The following ZNF469 variants were observed in gnomAD, a reference collection of about 807,000 sequenced individuals.
The protein encoded by ZNF469 is zinc finger protein 469.
A neutral mutation model predicts 1.0 loss-of-function variants in ZNF469; 1 was observed. The observed-to-expected ratio is 1.00, with a 90% confidence interval of 0.35 to 4.73. The LOEUF (loss-of-function observed/expected upper bound fraction) is 4.73. Among genes scored for constraint, ZNF469 ranks in the 30% most tolerant of loss-of-function variants. ZNF469 has a pLI of 0.16. For synonymous variants in ZNF469, 2,703 were observed against 2,363.4 expected, an observed-to-expected ratio of 1.14 and a Z score of -4.17; for missense variants, 6,100 against 5,356.3, an observed-to-expected ratio of 1.14 and a Z score of -4.33.
At chr16:88,321,478 A>T in the ZNF469 span, among the ~76,000 whole-genome samples, 1 of 151,846 alleles carries the variant, frequency 6.6e-6, no homozygotes, top group African/African-American at 2.4e-5. Flanking sequence ...ACCTGATTGG[A>T]TATGGCTCTC....
chr16:88,351,022 GCGA>G, the ZNF469 span, among the ~76,000 whole-genome samples: 1 of 152,224 alleles, frequency 6.6e-6, no homozygotes, highest in Non-Finnish European at 1.5e-5. Flanking sequence ...CAGCAGCAAG[GCGA>G]CCTGCCGCGC....
At chr16:88,342,071 C>T in the ZNF469 span, among the ~76,000 whole-genome samples, 4 of 151,128 alleles carry the variant, frequency 2.6e-5, no homozygotes, top group African/African-American at 7.3e-5. Flanking sequence ...ATGTGCAGGG[C>T]GGGGCGGGGC....
At chr16:88,285,257 C>T in the ZNF469 span, among the ~76,000 whole-genome samples, 2 of 152,272 alleles carry the variant, frequency 1.3e-5, no homozygotes, top group African/African-American at 2.4e-5. Flanking sequence ...CGCAATGGAG[C>T]TATTCTGGGT....
At chr16:88,407,150 G>A (rs1311453940) in intron 1 of ZNF469, among the ~76,000 whole-genome samples, 2 of 105,438 alleles carry the variant, frequency 1.9e-5, no homozygotes, top group Admixed American at 8.3e-5. Context: ...GGCGCTCTGT[G>A]GCCAGCTGTC....
Position 88,429,433 on chromosome 16 carries a change from C to T in ZNF469, c.1963C>T (p.His655Tyr), listed in dbSNP as rs1160837657. 2.6e-6 allele frequency: 4 copies of T among 1,542,146 alleles called. No individual in the cohort carries two copies. The highest frequency in any genetic ancestry group is 1.2e-5 in the South Asian group (1 of 83,914). The change falls in exon 3 of 3, where the codon CAC (histidine) becomes TAC (tyrosine). Residue 655 changes from histidine to tyrosine, a missense_variant. His to Tyr is a moderately conservative substitution (Grantham distance 83, BLOSUM62 2). Transcript: ENST00000565624. Reference sequence around the variant, plus strand: ...CCCCTTCCCGTCCCCGGAGCCCCCCCACTCCCTCCCCACCCACTACCAGCC... The same window carrying T: ...CCCCTTCCCGTCCCCGGAGCCCCCCTACTCCCTCCCCACCCACTACCAGCC... The part of the protein sequence containing the change: ...GSPFPSPEPP[H>Y]SLPTHYQPEP...
rs1179994298 is a variant in ZNF469, at chr16:88,386,837, G to A, written c.-192+3583G>A. 2.0e-5 allele frequency among the ~76,000 whole-genome samples: 3 copies of A among 152,188 alleles called. No homozygotes were observed. The South Asian group carries it at 6.2e-4, about 32-fold the overall frequency. Reference sequence around the variant, plus strand: ...GGCAGTGGGTGGTTCCGTGAGGATGGGGCTCTGTGAAGTAGCCTTGAGGTG... The same window carrying A: ...GGCAGTGGGTGGTTCCGTGAGGATGAGGCTCTGTGAAGTAGCCTTGAGGTG... On this transcript the variant is annotated intron_variant, in intron 1 of 2. Transcript: ENST00000565624.
At chr16:88,236,756 A>T in the ZNF469 span, among the ~76,000 whole-genome samples, 1 of 151,680 alleles carries the variant, frequency 6.6e-6, no homozygotes, top group Non-Finnish European at 1.5e-5. Context: ...AAGCTCAGCT[A>T]CTCTGGAGGC....
At chr16:88,279,305 ATGCTGACACT>A in the ZNF469 span, among the ~76,000 whole-genome samples, 1 of 151,572 alleles carries the variant, frequency 6.6e-6, no homozygotes, top group African/African-American at 2.4e-5. Context: ...GTGCTGTGCC[ATGCTGACACT>A]CGGTCAGTAC....
chr16:88,211,676 A>G, the ZNF469 span, among the ~76,000 whole-genome samples: 1 of 152,256 alleles, frequency 6.6e-6, no homozygotes, highest in South Asian at 2.1e-4. Context: ...CAGAGTTTAT[A>G]TGCAGAACTG....
chr16:88,412,071 T>G (rs1905186665), intron 1 of ZNF469, among the ~76,000 whole-genome samples: 2 of 152,188 alleles, frequency 1.3e-5, no homozygotes, highest in African/African-American at 4.8e-5. Flanking sequence ...GCTAGGGAGG[T>G]GCAGGGGGCG....
At chr16:88,238,465 G>T in the ZNF469 span, among the ~76,000 whole-genome samples, 3 of 150,596 alleles carry the variant, frequency 2.0e-5, no homozygotes, top group Non-Finnish European at 4.4e-5. Flanking sequence ...ACCCTAAATA[G>T]ATAGACCCTG....
chr16:88,272,354 GT>G, the ZNF469 span, among the ~76,000 whole-genome samples: 1 of 138,952 alleles, frequency 7.2e-6, no homozygotes. Flanking sequence ...GAATGAGTGG[GT>G]TGATGTAGAT....
the ZNF469 span, among the ~76,000 whole-genome samples, chr16:88,189,847 A>C: frequency 6.6e-6 from 1 of 152,198 alleles, no homozygotes; most frequent in Admixed American, 6.5e-5. The surrounding 1 kb of genome is among the most constrained non-coding windows in gnomAD (Gnocchi z 4.3). Flanking sequence ...TGAACCCAGG[A>C]GGTAGAGGTT....
the ZNF469 span, among the ~76,000 whole-genome samples, chr16:88,296,906 C>T: frequency 3.9e-5 from 6 of 152,202 alleles, no homozygotes; most frequent in Non-Finnish European, 7.3e-5. Context: ...TGGTGCAGCA[C>T]GTTGGATGCA....
Position 88,436,829 on chromosome 16 carries a change from G to A in ZNF469, c.9359G>A (p.Cys3120Tyr). 4.6e-6 allele frequency: 7 copies of A among 1,535,586 alleles called. No individual in the cohort carries two copies. Among genetic ancestry groups the A allele is most frequent in the Non-Finnish European group, 6.1e-6 (7 of 1,144,666 alleles). The change falls in exon 3 of 3, where the codon TGC becomes TAC. Residue 3120 changes from cysteine to tyrosine, a missense_variant. Transcript: ENST00000565624. ...CGGGCCTCCTACAAGTGCAAAGTGT[G>A]CTTCCAGCGCTTCCGCAGCCTGGGC... Reference protein sequence around the residue: ...GRRASYKCKVCFQRFRSLGEL... With the variant: ...GRRASYKCKVYFQRFRSLGEL...
At position 88,434,439 on chromosome 16, in the gene ZNF469, C is replaced by G; in HGVS notation, c.6969C>G (p.Pro2323=). Residue 2323 remains proline (P), a synonymous_variant, in exon 3 of 3, where the codon CCC becomes CCG. Coordinates refer to ENST00000565624, the MANE Select transcript of ZNF469 (RefSeq NM_001367624.2). The part of the protein sequence containing the change: ...APPHTNPDRM[P]RGHSSYSPSN... ...CCCACACCAACCCTGACAGGATGCC[C>G]AGGGGCCACTCCTCGTATTCTCCAA... The G allele has an allele frequency of 1.3e-6, 2 of 1,549,800 alleles. No homozygotes were observed. Among genetic ancestry groups the G allele is most frequent in the Non-Finnish European group, 1.7e-6 (2 of 1,146,928 alleles).
the ZNF469 span, among the ~76,000 whole-genome samples, chr16:88,344,709 G>T: frequency 6.6e-6 from 1 of 152,244 alleles, no homozygotes. Context: ...TCTGCATATG[G>T]CCATGGTGGA....
Position 88,437,926 on chromosome 16 carries a change from C to G in ZNF469, c.10456C>G (p.Pro3486Ala), listed in dbSNP as rs1013299711. Residue 3486 changes from proline to alanine, a missense_variant, in exon 3 of 3, where the codon CCC (proline) becomes GCC (alanine). Coordinates refer to ENST00000565624, the MANE Select transcript of ZNF469 (RefSeq NM_001367624.2). Reference protein sequence around the residue: ...RVAMPGSAPGPGEDRPPPRGS... With the variant: ...RVAMPGSAPGAGEDRPPPRGS... ...GGCCATGCCCGGCAGTGCCCCTGGG[C>G]CCGGCGAGGACAGGCCTCCTCCCCG... The G allele has an allele frequency of 2.6e-6, 4 of 1,540,206 alleles. No individual in the cohort carries two copies. Among genetic ancestry groups the G allele is most frequent in the African/African-American group, 1.4e-5 (1 of 72,978 alleles).
At chr16:88,196,110 G>A in the ZNF469 span, among the ~76,000 whole-genome samples, 13 of 152,306 alleles carry the variant, frequency 8.5e-5, no homozygotes, top group African/African-American at 2.6e-4. Flanking sequence ...GCCAGCCCTC[G>A]CCTTTCTGTG....
Sources: gnomAD v4.1 joint callset for allele counts (sites outside exome capture counted in the v4.1 genomes callset) on GRCh38, gnomAD v4.1.1 for gene constraint, Gnocchi (gnomAD v3.1) non-coding constraint, MANE v1.5 for transcripts, NCBI Gene and HGNC (gene_info 2026-07-23, HGNC 2026-07-21) for gene names.